Variants in THSD4 observed in about 807,000 individuals in gnomAD.
The protein encoded by THSD4 is thrombospondin type-1 domain-containing protein 4.
A neutral mutation model predicts 119.0 loss-of-function variants in THSD4; 69 were observed. The ratio of observed to expected loss-of-function variants is 0.58; its 90% CI spans 0.48 to 0.71. The LOEUF (loss-of-function observed/expected upper bound fraction) is 0.71. THSD4 is among the 30% of genes least tolerant of loss of function. THSD4 has a pLI of 0.00. For synonymous variants in THSD4, 524 were observed against 540.4 expected (o/e 0.97, Z 0.42); for missense variants, 1,393 against 1,391.1 (o/e 1.00, Z -0.02).
At chr15:71,324,959 C>G (rs2045320293) in intron 6 of THSD4, among the ~76,000 whole-genome samples, 1 of 152,176 alleles carries the variant, frequency 6.6e-6, no homozygotes, top group Non-Finnish European at 1.5e-5. Flanking sequence ...TCACCACATC[C>G]ACGCCAATAC....
chr15:71,389,827 T>TTTTTTTTG (rs56316633), intron 6 of THSD4, among the ~76,000 whole-genome samples: 10 of 142,916 alleles, frequency 7.0e-5, no homozygotes, highest in African/African-American at 2.7e-4. Context: ...TTTTTTTTTT[T>TTTTTTTTG]GACACAGAGT....
At chr15:71,735,208 G>A (rs1236778810) in intron 10 of THSD4, among the ~76,000 whole-genome samples, 1 of 152,172 alleles carries the variant, frequency 6.6e-6, no homozygotes, top group African/African-American at 2.4e-5. Flanking sequence ...TAATTCCGCT[G>A]AGGTGCCACC....
intron 7 of THSD4, among the ~76,000 whole-genome samples, chr15:71,597,022 G>C (rs2049918476): frequency 6.6e-6 from 1 of 152,156 alleles, no homozygotes; most frequent in Non-Finnish European, 1.5e-5. Flanking sequence ...TATTTAACTA[G>C]ATTTCACTTT....
chr15:71,466,051 A>T (rs2047494505), intron 7 of THSD4, among the ~76,000 whole-genome samples: 1 of 152,110 alleles, frequency 6.6e-6, no homozygotes, highest in Admixed American at 6.5e-5. Flanking sequence ...GACATGGGGA[A>T]TAGAAAGAGA....
chr15:71,243,268 C>CTT (rs201001019), intron 5 of THSD4, among the ~76,000 whole-genome samples, 172 bp downstream of exon 5: 6 of 142,810 alleles, frequency 4.2e-5, no homozygotes, highest in African/African-American at 7.7e-5. Flanking sequence ...ACATAGTTTT[C>CTT]TTTTTTTTTT....
At chr15:71,447,697 T>C (rs2047205452) in intron 7 of THSD4, among the ~76,000 whole-genome samples, 1 of 152,238 alleles carries the variant, frequency 6.6e-6, no homozygotes, top group East Asian at 1.9e-4. Context: ...CAATTAGCGA[T>C]GACATTCTCC....
intron 1 of THSD4, among the ~76,000 whole-genome samples, chr15:71,133,646 G>A (rs926675798): frequency 2.6e-5 from 4 of 152,234 alleles, no homozygotes; most frequent in South Asian, 4.2e-4. Flanking sequence ...GAAGAAAAGC[G>A]CTCTTACTCC....
At chr15:71,316,104 T>C (rs1409456315) in intron 6 of THSD4, among the ~76,000 whole-genome samples, 1 of 152,166 alleles carries the variant, frequency 6.6e-6, no homozygotes, top group Non-Finnish European at 1.5e-5. Context: ...TGTTAGCCTG[T>C]ATGGAAATCT....
chr15:71,602,978 T>G (rs2050042360), intron 7 of THSD4, among the ~76,000 whole-genome samples: 1 of 152,216 alleles, frequency 6.6e-6, no homozygotes, highest in Non-Finnish European at 1.5e-5. Context: ...AACTGGGGTT[T>G]GAACCCAGGG....
chr15:71,214,516 C>T (rs924576531), intron 3 of THSD4, among the ~76,000 whole-genome samples: 3 of 152,238 alleles, frequency 2.0e-5, no homozygotes, highest in African/African-American at 7.2e-5. Context: ...CTGTGAAGGT[C>T]CGCAGCTTCA....
chr15:71,279,969 C>T (rs753241234), intron 6 of THSD4, among the ~76,000 whole-genome samples: 1 of 152,186 alleles, frequency 6.6e-6, no homozygotes, highest in African/African-American at 2.4e-5. Flanking sequence ...GAAATAACTT[C>T]CTCTTGTTGT....
chr15:71,546,108 T>C (rs1388843074), intron 7 of THSD4, among the ~76,000 whole-genome samples: 1 of 152,160 alleles, frequency 6.6e-6, no homozygotes, highest in Non-Finnish European at 1.5e-5. Flanking sequence ...ATCATAACCA[T>C]AGGATGGCAT....
At chr15:71,619,391 T>C (rs1857102240) in intron 7 of THSD4, among the ~76,000 whole-genome samples, 1 of 152,206 alleles carries the variant, frequency 6.6e-6, no homozygotes. Flanking sequence ...AAGGTTTCTC[T>C]GCGGACCCAG....
chr15:71,312,657 G>T (rs2045127844), intron 6 of THSD4, among the ~76,000 whole-genome samples: 1 of 151,934 alleles, frequency 6.6e-6, no homozygotes, highest in South Asian at 2.1e-4. Context: ...CATATAACCT[G>T]CCAAGCCACA....
At chr15:71,719,254 A>G (rs893194677) in intron 8 of THSD4, among the ~76,000 whole-genome samples, 2 of 152,234 alleles carry the variant, frequency 1.3e-5, no homozygotes, top group African/African-American at 4.8e-5. Context: ...AGAGAAAGCC[A>G]GCCTTCTGAT....
At chr15:71,664,207 C>T (rs2051369288) in intron 8 of THSD4, among the ~76,000 whole-genome samples, 1 of 152,098 alleles carries the variant, frequency 6.6e-6, no homozygotes. Flanking sequence ...TGGTCTCGAT[C>T]TCCTGACCTC....
intron 4 of THSD4, among the ~76,000 whole-genome samples, chr15:71,236,289 C>T (rs188063521): frequency 6.6e-5 from 10 of 152,348 alleles, no homozygotes; most frequent in East Asian, 1.9e-4. Context: ...AGGAAGCCCC[C>T]CTATAGCTGC....
At chr15:71,133,507 G>T (rs1321917456) in intron 1 of THSD4, among the ~76,000 whole-genome samples, 2 of 152,194 alleles carry the variant, frequency 1.3e-5, no homozygotes, top group Admixed American at 1.3e-4. Context: ...AGGGAGGAAA[G>T]ACAAGCACAA....
chr15:71,402,711 C>T (rs1401689919), intron 6 of THSD4, among the ~76,000 whole-genome samples: 1 of 152,170 alleles, frequency 6.6e-6, no homozygotes, highest in Non-Finnish European at 1.5e-5. Context: ...CTCCCTCAGG[C>T]ACAGCGCAAG....
Sources: allele counts gnomAD v4.1 joint callset (sites outside exome capture counted in the v4.1 genomes callset), GRCh38; gene constraint gnomAD v4.1.1; transcripts MANE v1.5; gene names NCBI Gene and HGNC (gene_info 2026-07-23, HGNC 2026-07-21).